CAD: variants seen among roughly 807,000 people sequenced by gnomAD.
CAD encodes the protein carbamoyl-phosphate synthetase 2, aspartate transcarbamylase, and dihydroorotase.
CAD carries 81 observed loss-of-function variants against 237.2 expected under a neutral mutation model. The observed-to-expected ratio is 0.34, with a 90% CI of 0.29 to 0.41. The LOEUF is 0.41. Among genes scored for constraint, CAD ranks in the 10% least tolerant of loss-of-function variants. The pLI is 1.00. For missense variants in CAD, 2,181 were observed against 2,951.7 expected, an observed-to-expected ratio of 0.74 and a Z score of 6.05; for synonymous variants, 1,196 against 1,162.8, an observed-to-expected ratio of 1.03 and a Z score of -0.58.
Position 27,222,544 on chromosome 2 carries a change from G to T in CAD, c.521G>T (p.Gly174Val). ...IKTPRVFNTG[G>V]APRILALDCG... ...ACTCCACGGGTATTCAATACAGGGGGTGCCCCTCGGATCCTTGCTTTGGAC... is the reference window on the plus strand; with the variant it reads ...ACTCCACGGGTATTCAATACAGGGGTTGCCCCTCGGATCCTTGCTTTGGAC... The change falls in exon 5 of 44, where the codon GGT becomes GTT. Residue 174 changes from glycine (G) to valine (V), a missense_variant. Physicochemically the swap from Gly to Val is moderately radical, Grantham distance 109 (BLOSUM62 -3). This residue lies in a region of CAD where 314 missense variants were observed against 339.4 expected (regional missense o/e 0.93). Transcript: ENST00000264705. 6.2e-7 allele frequency: 1 copy of T among 1,614,102 alleles called. No homozygotes were observed. The highest frequency in any genetic ancestry group is 8.5e-7 in the Non-Finnish European group (1 of 1,179,998).
At position 27,231,405 on chromosome 2, in the gene CAD, G is replaced by A. The variant is rs982832637; in HGVS notation, c.2288-63G>A. 1.2e-5 allele frequency: 11 copies of A among 889,080 alleles called. No individual in the cohort carries two copies. In the East Asian group the frequency reaches 1.9e-4, roughly 16 times the overall value. 55.1% of individuals were successfully genotyped at this position (889,080 alleles called of 1,614,324 possible). A position where few individuals can be genotyped will look rare whatever the true frequency, so the allele number is the denominator to read the frequency against. ...TGACTATAAACCATAAGCATTATGG[G>A]CAGTGCCTTCTTCCCACCCCTTCCA... On this transcript the variant is annotated intron_variant, in intron 15 of 43. Coordinates refer to ENST00000264705, the MANE Select transcript of CAD (RefSeq NM_004341.5).
rs1161149731 is a variant in CAD at position 27,237,773 on chromosome 2, A to G, written c.4619A>G (p.Glu1540Gly). ...DFALFLGASS[E>G]NAGTLGTVAG... ...GCGCTATTCCTTGGGGCCTCGTCTG[A>G]AAATGCAGGAACCTTGGGCACCGTG... The change falls in exon 29 of 44, where the codon GAA becomes GGA. Residue 1540 changes from glutamate to glycine, a missense_variant. Physicochemically the swap from Glu to Gly is moderately conservative, Grantham distance 98. Transcript: ENST00000264705. The surrounding 1 kb of genome is among the most constrained non-coding windows in gnomAD (Gnocchi z 4.0). 1 of 1,614,202 alleles carries G rather than the reference A, an allele frequency of 6.2e-7. No homozygotes were observed. The highest frequency in any genetic ancestry group is 1.1e-5 in the South Asian group (1 of 91,078).
chr2:27,236,566 A>G lies in CAD; in HGVS notation c.4314+43A>G, dbSNP rs918152256. Reference sequence around the variant, plus strand: ...GCTGGGAGGGAGACTGCCAGTGTTGATGGGAAGAAGAAAGAGGGAGGAGTG... The same window carrying G: ...GCTGGGAGGGAGACTGCCAGTGTTGGTGGGAAGAAGAAAGAGGGAGGAGTG... On this transcript the variant is annotated intron_variant, in intron 26 of 43. Coordinates refer to ENST00000264705, the MANE Select transcript of CAD (RefSeq NM_004341.5). The surrounding 1 kb of genome is among the most constrained non-coding windows in gnomAD (Gnocchi z 4.1). The G allele has an allele frequency of 6.9e-6, 11 of 1,604,274 alleles. No individual in the cohort carries two copies. In the Admixed American group the frequency reaches 1.2e-4, roughly 17 times the overall value.
At chr2:27,222,015 A>G (rs1283472934) in intron 3 of CAD, among the ~76,000 whole-genome samples, 179 bp from the exon 4 acceptor site, 1 of 151,184 alleles carries the variant, frequency 6.6e-6, no homozygotes, top group Non-Finnish European at 1.5e-5. Flanking sequence ...TTCAGATGTG[A>G]TATTTTTGGC....
In CAD at chr2:27,239,506, C is replaced by A; in HGVS notation, c.5394+35C>A. On this transcript the variant is annotated intron_variant, in intron 33 of 43. Transcript: ENST00000264705. The surrounding 1 kb of genome is among the most constrained non-coding windows in gnomAD (Gnocchi z 4.0). ...TAGCCCCTGCCTGATCTCAGTAGTG[C>A]CCTCTTCTGCACCACGTTCATTTCT... 6.2e-7 allele frequency: 1 copy of A among 1,606,008 alleles called. No individual in the cohort carries two copies. Among genetic ancestry groups the A allele is most frequent in the South Asian group, 1.1e-5 (1 of 90,828 alleles).
Position 27,233,629 on chromosome 2 carries a change from G to A in CAD, c.3220G>A (p.Ala1074Thr), listed in dbSNP as rs1341419494. 1 of 1,614,096 alleles carries A rather than the reference G, an allele frequency of 6.2e-7. No individual in the cohort carries two copies. The highest frequency in any genetic ancestry group is 1.3e-5 in the African/African-American group (1 of 75,056). ...CTAAGCTCCCTGCCTCCTGTAGTCT[G>A]CTCGCCAATTCTGCCAGACCGTGGG... ...QWRELSDLES[A>T]RQFCQTVGYP... is the part of the protein sequence containing the mutation. The change falls in exon 21 of 44, where the codon GCT (alanine) becomes ACT (threonine). Residue 1074 changes from alanine (A) to threonine (T), a missense_variant. This residue lies in a region of CAD where 306 missense variants were observed against 607.9 expected (regional missense o/e 0.50). Transcript: ENST00000264705. The surrounding 1 kb of genome is among the most constrained non-coding windows in gnomAD (Gnocchi z 6.3).
In CAD at chr2:27,240,920, C is replaced by A. The variant is rs775695764; in HGVS notation, c.5603C>A (p.Pro1868Gln). ...ASDPGLPAEE[P>Q]KEKSSRKVAE... ...CTTGTCCTGTTTGCAGCTGAGGAGCCAAAGGAGAAGTCCTCTCGGAAGGTA... is the reference window on the plus strand; with the variant it reads ...CTTGTCCTGTTTGCAGCTGAGGAGCAAAAGGAGAAGTCCTCTCGGAAGGTA... Residue 1868 changes from proline (P) to glutamine (Q), a missense_variant, in exon 36 of 44, where the codon CCA becomes CAA. Physicochemically the swap from Pro to Gln is moderately conservative, Grantham distance 76. Around this residue, in one of 12 missense-constraint regions of CAD, gnomAD observed 203 missense variants for 284.5 expected, o/e 0.71. Transcript: ENST00000264705. This position sits in a 1 kb window ranked among gnomAD's most constrained non-coding sequence, Gnocchi z 4.6. 4 of 1,613,982 alleles carry A rather than the reference C, an allele frequency of 2.5e-6. No individual in the cohort carries two copies. Among genetic ancestry groups the A allele is most frequent in the Non-Finnish European group, 3.4e-6 (4 of 1,180,006 alleles).
chr2:27,240,392 T>A lies in CAD; in HGVS notation c.5593+31T>A. On this transcript the variant is annotated intron_variant, in intron 35 of 43. Transcript: ENST00000264705. This position sits in a 1 kb window ranked among gnomAD's most constrained non-coding sequence, Gnocchi z 4.6. Reference sequence around the variant, plus strand: ...AGTGGGGTTCCTGTGACTCAGAGACTGTGTAGGGACAGGATCCACTTCTTC... The same window carrying A: ...AGTGGGGTTCCTGTGACTCAGAGACAGTGTAGGGACAGGATCCACTTCTTC... 1 of 1,592,510 alleles carries A rather than the reference T, an allele frequency of 6.3e-7. No homozygotes were observed. The highest frequency in any genetic ancestry group is 8.6e-7 in the Non-Finnish European group (1 of 1,160,380).
chr2:27,232,292 C>T lies in CAD; in HGVS notation c.2645+68C>T. The stretch of plus-strand genomic sequence containing the variant: ...CAGAACCTTTGTATCAGTGAGGGAC[C>T]CTTGGGAGGGAGGAAGGAGAGTGTG... On this transcript the variant is annotated intron_variant, in intron 17 of 43. Coordinates refer to ENST00000264705, the MANE Select transcript of CAD (RefSeq NM_004341.5). This position sits in a 1 kb window ranked among gnomAD's most constrained non-coding sequence, Gnocchi z 4.1. The T allele has an allele frequency of 6.3e-7, 1 of 1,595,706 alleles. No homozygotes were observed.
rs1251366564 is a variant in CAD, at chr2:27,217,897, G to A, written c.103G>A (p.Gly35Ser). The A allele has an allele frequency of 1.2e-6, 2 of 1,606,914 alleles. No individual in the cohort carries two copies. The highest frequency in any genetic ancestry group is 2.7e-5 in the African/African-American group (2 of 74,514). ...TGCAGTGTTTCAAACCGGCATGGTC[G>A]GCTACCCCGAGGCCCTCACTGATCC... ...GEVVFQTGMV[G>S]YPEALTDPSY... is the part of the protein sequence containing the mutation. Residue 35 changes from glycine to serine, a missense_variant, in exon 2 of 44, where the codon GGC becomes AGC. Around this residue, in one of 12 missense-constraint regions of CAD, gnomAD observed 314 missense variants for 339.4 expected, o/e 0.93. Transcript: ENST00000264705.
Position 27,235,923 on chromosome 2 carries a change from T to C in CAD, c.4074+283T>C, listed in dbSNP as rs1675982249. ...TCTCCTATTCCCCTGCTTTTATTAT[T>C]ACCATTATACTAGTAAGCTATATTC... On this transcript the variant is annotated intron_variant, in intron 25 of 43. Coordinates refer to ENST00000264705, the MANE Select transcript of CAD (RefSeq NM_004341.5). The surrounding 1 kb of genome is among the most constrained non-coding windows in gnomAD (Gnocchi z 5.2). 1 of 484,200 alleles carries C rather than the reference T, an allele frequency of 2.1e-6. No individual in the cohort carries two copies. The highest frequency in any genetic ancestry group is 1.9e-5 in the African/African-American group (1 of 51,440). 30.0% of individuals were successfully genotyped at this position (484,200 alleles called of 1,614,324 possible).
Position 27,222,654 on chromosome 2 carries a change from A to G in CAD, c.631A>G (p.Ser211Gly). Residue 211 changes from serine to glycine, a missense_variant, in exon 5 of 44, where the codon AGC becomes GGC. Physicochemically the swap from Ser to Gly is moderately conservative, Grantham distance 56 (BLOSUM62 0). Around this residue, in one of 12 missense-constraint regions of CAD, gnomAD observed 314 missense variants for 339.4 expected, o/e 0.93. Transcript: ENST00000264705. Reference sequence around the variant, plus strand: ...GGTACCCTGGGACCATGCACTAGACAGCCAAGGTGAGTAGCTGGGGCCTGT... The same window carrying G: ...GGTACCCTGGGACCATGCACTAGACGGCCAAGGTGAGTAGCTGGGGCCTGT... ...TVVPWDHALD[S>G]QEYEGLFLSN... is the part of the protein sequence containing the mutation. The G allele has an allele frequency of 6.2e-7, 1 of 1,612,822 alleles. No homozygotes were observed. The highest frequency in any genetic ancestry group is 1.1e-5 in the South Asian group (1 of 91,070).
rs776198337 is a variant in CAD at position 27,222,608 on chromosome 2, G to T, written c.585G>T (p.Gln195His). The T allele has an allele frequency of 3.1e-6, 5 of 1,614,168 alleles. No individual in the cohort carries two copies. Among genetic ancestry groups the T allele is most frequent in the African/African-American group, 1.3e-5 (1 of 75,036 alleles). ...LKYNQIRCLC[Q>H]RGAEVTVVPW... The stretch of plus-strand genomic sequence containing the variant: ...ATAATCAGATCCGATGCCTCTGCCA[G>T]CGTGGGGCTGAGGTCACTGTGGTAC... The change falls in exon 5 of 44, where the codon CAG (glutamine) becomes CAT (histidine). Residue 195 changes from glutamine to histidine, a missense_variant. Gln to His is a conservative substitution (Grantham distance 24). Transcript: ENST00000264705.
At chr2:27,228,022 C>G (rs1404221539) in intron 15 of CAD, among the ~76,000 whole-genome samples, 1 of 152,192 alleles carries the variant, frequency 6.6e-6, no homozygotes, top group African/African-American at 2.4e-5. Context: ...AGTCTTACAA[C>G]CACAGTTACA....
At position 27,237,706 on chromosome 2, in the gene CAD, T is replaced by A; in HGVS notation, c.4564-12T>A. 1 of 1,609,728 alleles carries A rather than the reference T, an allele frequency of 6.2e-7. No individual in the cohort carries two copies. Among genetic ancestry groups the A allele is most frequent in the Non-Finnish European group, 8.5e-7 (1 of 1,177,718 alleles). On this transcript the variant is annotated splice_polypyrimidine_tract_variant and intron_variant, in intron 28 of 43. Coordinates refer to ENST00000264705, the MANE Select transcript of CAD (RefSeq NM_004341.5). The surrounding 1 kb of genome is among the most constrained non-coding windows in gnomAD (Gnocchi z 4.0). ...GGTGCCAGTGAGCCTTACCTCTGTG[T>A]ATCCTCTCCAGCTGGCAGAGGCTGG...
chr2:27,217,923 C>G lies in CAD; in HGVS notation c.129C>G (p.Pro43=), dbSNP rs778581915. ...GCTACCCCGAGGCCCTCACTGATCC[C>G]TCCTACAAGGCACAGATCTTAGTGC... The part of the protein sequence containing the change: ...MVGYPEALTD[P]SYKAQILVLT... Residue 43 remains proline, a synonymous_variant, in exon 2 of 44, where the codon CCC becomes CCG. Coordinates refer to ENST00000264705, the MANE Select transcript of CAD (RefSeq NM_004341.5). 1 of 1,613,132 alleles carries G rather than the reference C, an allele frequency of 6.2e-7. No individual in the cohort carries two copies. The highest frequency in any genetic ancestry group is 2.2e-5 in the East Asian group (1 of 44,830).
rs1270559548 is a variant in CAD at position 27,237,013 on chromosome 2, A to C, written c.4396+183A>C. 7.0e-6 allele frequency among the ~76,000 whole-genome samples: 1 copy of C among 143,008 alleles called. No individual in the cohort carries two copies. Among genetic ancestry groups the C allele is most frequent in the African/African-American group, 2.7e-5 (1 of 36,640 alleles). 93.8% of individuals were successfully genotyped at this position (143,008 alleles called of 152,430 possible). A position where few individuals can be genotyped will look rare whatever the true frequency, so the allele number is the denominator to read the frequency against. On this transcript the variant is annotated intron_variant, in intron 27 of 43. Coordinates refer to ENST00000264705, the MANE Select transcript of CAD (RefSeq NM_004341.5). This position sits in a 1 kb window ranked among gnomAD's most constrained non-coding sequence, Gnocchi z 4.0. ...ACAGTGTCCACAGTGGCCTTGTCTGAGGAATTTTTTTTTTTTTTTTTTTTT... is the reference window on the plus strand; with the variant it reads ...ACAGTGTCCACAGTGGCCTTGTCTGCGGAATTTTTTTTTTTTTTTTTTTTT...
chr2:27,226,044 C>A, intron 12 of CAD, 87 bp from the exon 13 acceptor site: 1 of 1,492,910 alleles, frequency 6.7e-7, no homozygotes, highest in Non-Finnish European at 9.3e-7. Context: ...TTAGGTGCAG[C>A]CCCAGAGGTA....
At position 27,240,740 on chromosome 2, in the gene CAD, A is replaced by G; in HGVS notation, c.5594-171A>G. The G allele has an allele frequency of 4.9e-6, 6 of 1,214,638 alleles. No homozygotes were observed. The East Asian group carries it at 1.5e-4, about 31-fold the overall frequency. The allele number at this position is 1,214,638 out of a possible 1,614,324, so 75.2% of individuals were successfully genotyped here. A position where few individuals can be genotyped will look rare whatever the true frequency, so the allele number is the denominator to read the frequency against. On this transcript the variant is annotated intron_variant, in intron 35 of 43. Transcript: ENST00000264705. The surrounding 1 kb of genome is among the most constrained non-coding windows in gnomAD (Gnocchi z 4.6). ...ATACAACACAGCCCCATGGGAAGCC[A>G]CCTGTCTGTCCCCAGAGCTGCTGCA...
Sources: allele counts gnomAD v4.1 joint callset (sites outside exome capture counted in the v4.1 genomes callset), GRCh38; gene constraint gnomAD v4.1.1; regional missense constraint gnomAD v4.1.1; non-coding constraint Gnocchi (gnomAD v3.1); transcripts MANE v1.5; gene names NCBI Gene and HGNC (gene_info 2026-07-23, HGNC 2026-07-21).